The following PLAAT5 variants were observed in gnomAD, a reference collection of about 807,000 sequenced individuals.
PLAAT5 encodes the protein Ca(2+)-independent N-acyltransferase.
A neutral mutation model predicts 27.8 loss-of-function variants in PLAAT5; 27 were observed. The ratio of observed to expected loss-of-function variants is 0.97; its 90% CI spans 0.72 to 1.34. The LOEUF (loss-of-function observed/expected upper bound fraction) is 1.34, where lower values mean the gene tolerates loss of function less well. Among genes scored for constraint, PLAAT5 ranks in the 40% most tolerant of loss-of-function variants. The probability of loss-of-function intolerance (pLI) is 0.00; values close to 1 mark genes in which losing one functional copy is unlikely to be tolerated. For missense variants in PLAAT5, 368 were observed against 343.8 expected (o/e 1.07, Z -0.56); for synonymous variants, 125 against 136.1 (o/e 0.92, Z 0.57).
At chr11:63,472,198 A>C (rs2016043377) in intron 3 of PLAAT5, among the ~76,000 whole-genome samples, 1 of 152,172 alleles carries the variant, frequency 6.6e-6, no homozygotes. Context: ...CAGAACTTAA[A>C]AGTTGAAGAA....
chr11:63,487,214 T>C (rs1412245589), intron 3 of PLAAT5, among the ~76,000 whole-genome samples: 1 of 152,180 alleles, frequency 6.6e-6, no homozygotes, highest in Non-Finnish European at 1.5e-5. Flanking sequence ...CGTACTTGTA[T>C]ACAGAACTTC....
At chr11:63,464,647 CTCTG>C (rs2015809125) in intron 5 of PLAAT5, among the ~76,000 whole-genome samples, 1 of 147,074 alleles carries the variant, frequency 6.8e-6, no homozygotes, top group African/African-American at 2.7e-5. Flanking sequence ...CAGAGCAAGA[CTCTG>C]TCTCAAAAAA....
In PLAAT5 at chr11:63,490,281, C is replaced by T. The variant is rs777098062; in HGVS notation, c.201G>A (p.Pro67=). 4 of 1,614,182 alleles carry T rather than the reference C, an allele frequency of 2.5e-6. No homozygotes were observed. Among genetic ancestry groups the T allele is most frequent in the Non-Finnish European group, 3.4e-6 (4 of 1,180,022 alleles). Residue 67 remains proline, a synonymous_variant, in exon 2 of 6, where the codon CCG becomes CCA. Transcript: ENST00000540857. ...ALVQLPAKQP[P]PGTLEQGRSI... Reference sequence around the variant, plus strand: ...TTCTGCCCTGTTCTAATGTGCCCGGCGGAGGCTGCTTGGCTGGGAGCTGGA... The same window carrying T: ...TTCTGCCCTGTTCTAATGTGCCCGGTGGAGGCTGCTTGGCTGGGAGCTGGA...
chr11:63,489,236 C>A (rs2016506797), intron 2 of PLAAT5, among the ~76,000 whole-genome samples: 1 of 152,078 alleles, frequency 6.6e-6, no homozygotes, highest in Non-Finnish European at 1.5e-5. Flanking sequence ...CTAATAATGT[C>A]TTTTTAATGT....
At chr11:63,472,851 C>A (rs2016061550) in intron 3 of PLAAT5, among the ~76,000 whole-genome samples, 1 of 152,128 alleles carries the variant, frequency 6.6e-6, no homozygotes, top group South Asian at 2.1e-4. Context: ...TGCCTGTAAT[C>A]CCAGCACTTT....
At chr11:63,463,662 A>C (rs925033476) in intron 5 of PLAAT5, 67 bp from the exon 6 acceptor site, 21 of 1,170,264 alleles carry the variant, frequency 1.8e-5, no homozygotes, top group Admixed American at 7.0e-5. Context: ...CCCTACCTCC[A>C]CCCCACCATA....
chr11:63,491,004 A>C lies in PLAAT5; in HGVS notation c.31T>G (p.Tyr11Asp), dbSNP rs906627620. 6.6e-7 allele frequency: 1 copy of C among 1,521,930 alleles called. No individual in the cohort carries two copies. The allele number at this position is 1,521,930 out of a possible 1,614,324, so 94.3% of individuals were successfully genotyped here. The change falls in exon 1 of 6, where the codon TAC becomes GAC. Residue 11 changes from tyrosine to aspartate, a missense_variant. By Grantham distance (160) the Tyr-to-Asp change is radical. Transcript: ENST00000540857. ...GGAATCCTAGGGAGGCGGAGCGCGT[A>C]CTCCCCCTCGGCGCCCGGGCTCAGG... is the stretch of plus-strand genomic sequence containing the variant. Reference protein sequence around the residue: MGLSPGAEGEYALRLPRIPPP... With the variant: MGLSPGAEGEDALRLPRIPPP...
chr11:63,467,131 T>A (rs955959181), intron 4 of PLAAT5, among the ~76,000 whole-genome samples: 16 of 152,168 alleles, frequency 1.1e-4, no homozygotes, highest in African/African-American at 3.4e-4. Context: ...TTATAAGTTG[T>A]CCAAGGGCAA....
chr11:63,490,646 C>T, intron 1 of PLAAT5: 2 of 608,680 alleles, frequency 3.3e-6, no homozygotes, highest in Non-Finnish European at 5.7e-6. Flanking sequence ...CTTAACACCA[C>T]CCTCCGGAGC....
chr11:63,468,113 C>T (rs2015912169), intron 4 of PLAAT5, among the ~76,000 whole-genome samples: 2 of 152,036 alleles, frequency 1.3e-5, no homozygotes, highest in African/African-American at 2.4e-5. Flanking sequence ...AACAAAGGGC[C>T]CTCTAGGAGG....
intron 3 of PLAAT5, among the ~76,000 whole-genome samples, chr11:63,473,607 T>A (rs561853310): frequency 6.6e-5 from 10 of 152,292 alleles, no homozygotes; most frequent in African/African-American, 2.4e-4. Context: ...AATTTTTTTT[T>A]ATCATGAATG....
chr11:63,474,351 AT>A (rs2016103765), intron 3 of PLAAT5, among the ~76,000 whole-genome samples: 1 of 152,136 alleles, frequency 6.6e-6, no homozygotes, highest in Admixed American at 6.6e-5. Context: ...TTGTGAAAAG[AT>A]TTTTATTTAC....
At chr11:63,484,659 C>T (rs1205849802) in intron 3 of PLAAT5, among the ~76,000 whole-genome samples, 1 of 152,102 alleles carries the variant, frequency 6.6e-6, no homozygotes, top group Non-Finnish European at 1.5e-5. Flanking sequence ...CAATAAAAGC[C>T]ATCTACGACA....
rs925873424 is a variant in PLAAT5 at position 63,480,481 on chromosome 11, G to C, written c.345+8390C>G. On this transcript the variant is annotated intron_variant, in intron 3 of 5. Transcript: ENST00000540857. ...ATCTGCAATATTGCCACTGGATGAG[G>C]TAGTAAGGTATAAAACTAAATGGGA... 2.6e-5 allele frequency among the ~76,000 whole-genome samples: 4 copies of C among 152,338 alleles called. No individual in the cohort carries two copies. The East Asian group carries it at 7.7e-4, about 29-fold the overall frequency.
Position 63,490,908 on chromosome 11 carries a change from G to A in PLAAT5, c.127C>T (p.Arg43Cys). Residue 43 changes from arginine to cysteine, a missense_variant, in exon 1 of 6, where the codon CGT becomes TGT. By Grantham distance (180) the Arg-to-Cys change is radical. Coordinates refer to ENST00000540857, the MANE Select transcript of PLAAT5 (RefSeq NM_001146729.2). ...GPKDQPPALRRSAVPHSEESV... is the reference protein window; with the variant it reads ...GPKDQPPALRCSAVPHSEESV... ...TGACCTGAGTGGGGCACAGCTGAAC[G>A]TCTGAGCGCAGGCGGCTGGTCCTTG... The A allele has an allele frequency of 6.2e-7, 1 of 1,603,910 alleles. No individual in the cohort carries two copies. Among genetic ancestry groups the A allele is most frequent in the Non-Finnish European group, 8.5e-7 (1 of 1,175,592 alleles).
chr11:63,484,134 G>A (rs922358923), intron 3 of PLAAT5, among the ~76,000 whole-genome samples: 3 of 147,538 alleles, frequency 2.0e-5, no homozygotes, highest in African/African-American at 7.5e-5. Flanking sequence ...GATTGAAACA[G>A]TAATTTTTAA....
intron 2 of PLAAT5, among the ~76,000 whole-genome samples, chr11:63,489,726 G>T (rs566182654): frequency 6.6e-6 from 1 of 152,200 alleles, no homozygotes; most frequent in Admixed American, 6.5e-5. Flanking sequence ...GTAAACATCT[G>T]GTATACCACC....
chr11:63,482,851 G>C (rs1286226093), intron 3 of PLAAT5, among the ~76,000 whole-genome samples: 1 of 152,128 alleles, frequency 6.6e-6, no homozygotes. Context: ...CCAAGTATCT[G>C]CTGTCTCTAA....
Position 63,491,155 on chromosome 11 carries a change from G to A in PLAAT5, c.-121C>T, listed in dbSNP as rs1590633300. The A allele has an allele frequency of 2.3e-6, 2 of 873,134 alleles. No homozygotes were observed. Among genetic ancestry groups the A allele is most frequent in the South Asian group, 2.8e-5 (1 of 35,660 alleles). 54.1% of individuals were successfully genotyped at this position (873,134 alleles called of 1,614,324 possible). A position where few individuals can be genotyped will look rare whatever the true frequency, so the allele number is the denominator to read the frequency against. On this transcript the variant is annotated 5_prime_UTR_variant, in exon 1 of 6. Coordinates refer to ENST00000540857, the MANE Select transcript of PLAAT5 (RefSeq NM_001146729.2). ...GAAGCTTGGGCACTGGGGGCGGCTC[G>A]GGGAGGAACCGCGGAGGGGAAAGCG...
Sources: allele counts gnomAD v4.1 joint callset (sites outside exome capture counted in the v4.1 genomes callset), GRCh38; gene constraint gnomAD v4.1.1; transcripts MANE v1.5; gene names NCBI Gene and HGNC (gene_info 2026-07-23, HGNC 2026-07-21).